ARMH3: variants seen among roughly 807,000 people sequenced by gnomAD.
ARMH3 encodes armadillo like helical domain containing 3.
A neutral mutation model predicts 99.1 loss-of-function variants in ARMH3; 60 were observed. The observed-to-expected ratio is 0.61, with a 90% CI of 0.49 to 0.75. ARMH3 has a LOEUF of 0.75. Among genes scored for constraint, ARMH3 ranks in the 30% least tolerant of loss-of-function variants. ARMH3 has a pLI of 0.00. For synonymous variants in ARMH3, 285 were observed against 292.8 expected, an observed-to-expected ratio of 0.97 and a Z score of 0.27; for missense variants, 679 against 843.1, an observed-to-expected ratio of 0.81 and a Z score of 2.41.
At chr10:101,885,597 A>G (rs1406796066) in intron 24 of ARMH3, among the ~76,000 whole-genome samples, 1 of 152,216 alleles carries the variant, frequency 6.6e-6, no homozygotes, top group East Asian at 1.9e-4. Context: ...ACAGAGTAGA[A>G]CAGTGGTTAT....
chr10:101,956,004 C>T (rs1469896969), intron 22 of ARMH3, among the ~76,000 whole-genome samples: 1 of 152,108 alleles, frequency 6.6e-6, no homozygotes, highest in African/African-American at 2.4e-5. Flanking sequence ...GAGATTTTTC[C>T]TTAACCTTTA....
At chr10:101,971,769 A>G (rs551465895) in intron 20 of ARMH3, among the ~76,000 whole-genome samples, 58 of 152,284 alleles carry the variant, frequency 3.8e-4, no homozygotes, top group Non-Finnish European at 7.1e-4. Context: ...CTTTCATTCT[A>G]TTCTCAAAAG....
At chr10:101,946,105 T>G (rs904906612) in intron 22 of ARMH3, among the ~76,000 whole-genome samples, 4 of 72,426 alleles carry the variant, frequency 5.5e-5, no homozygotes, top group African/African-American at 2.3e-4. Flanking sequence ...AAAAAAAAAG[T>G]CCAGGAGGTA....
chr10:101,931,096 T>C (rs1843701038), intron 23 of ARMH3, among the ~76,000 whole-genome samples: 1 of 152,156 alleles, frequency 6.6e-6, no homozygotes, highest in Admixed American at 6.5e-5. Flanking sequence ...AGCAGAGGAA[T>C]GAGCAAACCT....
At chr10:101,869,336 T>C (rs957760602) in intron 24 of ARMH3, among the ~76,000 whole-genome samples, 3 of 152,138 alleles carry the variant, frequency 2.0e-5, no homozygotes, top group African/African-American at 7.2e-5. Context: ...ACACAGAACA[T>C]TCAACAAGAT....
At chr10:102,006,782 G>A (rs543984474) in intron 13 of ARMH3, 149 bp from the exon 14 acceptor site, 42 of 624,968 alleles carry the variant, frequency 6.7e-5, no homozygotes, top group African/African-American at 6.1e-4. Flanking sequence ...AGCTGGTCTC[G>A]AAATCCTAGG....
rs950292013 is a variant in ARMH3 at position 102,019,966 on chromosome 10, C to A, written c.669+3511G>T. 7.3e-5 allele frequency among the ~76,000 whole-genome samples: 11 copies of A among 150,216 alleles called. 1 individual carries two copies. The highest frequency in any genetic ancestry group is 6.0e-4 in the Admixed American group (9 of 15,016). ...AAAGCTTATAGAATAAAGATATATTCTTTTTATTCTTTAGGAGGCCAAGGC... is the reference window on the plus strand; with the variant it reads ...AAAGCTTATAGAATAAAGATATATTATTTTTATTCTTTAGGAGGCCAAGGC... On this transcript the variant is annotated intron_variant, in intron 8 of 25. Coordinates refer to ENST00000370033, the MANE Select transcript of ARMH3 (RefSeq NM_024541.3).
chr10:101,876,649 T>C (rs531214090), intron 24 of ARMH3, among the ~76,000 whole-genome samples: 1 of 152,204 alleles, frequency 6.6e-6, no homozygotes, highest in African/African-American at 2.4e-5. Flanking sequence ...CAAGTTTGCA[T>C]AATGACACAT....
intron 20 of ARMH3, among the ~76,000 whole-genome samples, chr10:101,966,102 C>CTTTT (rs1047048779): frequency 2.4e-5 from 3 of 126,282 alleles, no homozygotes; most frequent in Non-Finnish European, 3.4e-5. Context: ...TTTTTCTTTT[C>CTTTT]TTTTTTTTTT....
chr10:101,963,756 C>T (rs1209337371), intron 20 of ARMH3, among the ~76,000 whole-genome samples: 1 of 152,034 alleles, frequency 6.6e-6, no homozygotes, highest in Non-Finnish European at 1.5e-5. Flanking sequence ...TGGGCCACTG[C>T]ACTTGGCTGT....
At chr10:101,992,657 G>A (rs544502389) in intron 17 of ARMH3, among the ~76,000 whole-genome samples, 21 of 151,928 alleles carry the variant, frequency 1.4e-4, no homozygotes, top group African/African-American at 2.4e-4. Flanking sequence ...CACCACACCC[G>A]GCTAATTTTT....
intron 24 of ARMH3, among the ~76,000 whole-genome samples, chr10:101,853,485 G>C (rs905223006): frequency 2.0e-5 from 3 of 152,166 alleles, no homozygotes; most frequent in Admixed American, 6.5e-5. Flanking sequence ...CTTAGGGAGA[G>C]GGCCATCTCC....
chr10:101,916,045 C>G lies in ARMH3; in HGVS notation c.1781+23818G>C, dbSNP rs986099148. 2.6e-5 allele frequency among the ~76,000 whole-genome samples: 4 copies of G among 152,198 alleles called. No individual in the cohort carries two copies. In the East Asian group the frequency reaches 7.7e-4, roughly 29 times the overall value. On this transcript the variant is annotated intron_variant, in intron 23 of 25. Transcript: ENST00000370033. ...GGTCTCGATCTCCTGACCTCGTGATCCGCCCGCCCCGGCCTCCCAAAGTGC... is the reference window on the plus strand; with the variant it reads ...GGTCTCGATCTCCTGACCTCGTGATGCGCCCGCCCCGGCCTCCCAAAGTGC...
chr10:101,864,222 C>T (rs1284770670), intron 24 of ARMH3, among the ~76,000 whole-genome samples: 7 of 151,930 alleles, frequency 4.6e-5, no homozygotes, highest in Non-Finnish European at 7.4e-5. Flanking sequence ...GTTAGAATGG[C>T]GATCATTAAA....
At chr10:101,981,879 C>T (rs746459676) in intron 19 of ARMH3, among the ~76,000 whole-genome samples, 4 of 151,716 alleles carry the variant, frequency 2.6e-5, no homozygotes, top group African/African-American at 4.8e-5. Context: ...ATTAGCTGGG[C>T]GCGGTGGTGG....
At chr10:102,039,026 C>G (rs971175727) in intron 2 of ARMH3, among the ~76,000 whole-genome samples, 2 of 152,128 alleles carry the variant, frequency 1.3e-5, no homozygotes, top group East Asian at 3.9e-4. Flanking sequence ...CAGGCATGGG[C>G]CACTACACCC....
chr10:101,915,267 T>C (rs907854966), intron 23 of ARMH3, among the ~76,000 whole-genome samples: 1 of 152,284 alleles, frequency 6.6e-6, no homozygotes, highest in Non-Finnish European at 1.5e-5. Context: ...GGTCCAGTGC[T>C]GAAAATCATT....
intron 12 of ARMH3, 42 bp from the exon 13 acceptor site, chr10:102,009,491 G>C (rs1444046513): frequency 2.1e-5 from 31 of 1,504,328 alleles, no homozygotes; most frequent in Non-Finnish European, 2.8e-5. Context: ...TTTATAGTGG[G>C]GGGAGTTAAA....
intron 23 of ARMH3, among the ~76,000 whole-genome samples, chr10:101,913,637 A>G (rs1842961161): frequency 6.6e-6 from 1 of 152,150 alleles, no homozygotes; most frequent in South Asian, 2.1e-4. Context: ...AAGTGCTGGG[A>G]TTATAGGCGT....
Sources: gnomAD v4.1 joint callset for allele counts (sites outside exome capture counted in the v4.1 genomes callset) on GRCh38, gnomAD v4.1.1 for gene constraint, MANE v1.5 for transcripts, NCBI Gene and HGNC (gene_info 2026-07-23, HGNC 2026-07-21) for gene names.